Variants in UBTD1 observed in about 807,000 individuals in gnomAD.
UBTD1 encodes the protein ubiquitin domain containing 1.
UBTD1 carries 19 observed loss-of-function variants against 21.7 expected under a neutral mutation model. The ratio of observed to expected loss-of-function variants is 0.87; its 90% CI spans 0.61 to 1.28. The LOEUF is 1.28. Ranked by LOEUF, UBTD1 falls within the 50% of genes most tolerant of loss-of-function variation. UBTD1 has a pLI of 0.00. For missense variants in UBTD1, 282 were observed against 315.1 expected (o/e 0.89, Z 0.80); for synonymous variants, 116 against 135.1 (o/e 0.86, Z 0.98).
At chr10:97,505,347 T>C (rs1169266020) in intron 1 of UBTD1, among the ~76,000 whole-genome samples, 1 of 152,102 alleles carries the variant, frequency 6.6e-6, no homozygotes, top group Non-Finnish European at 1.5e-5. Context: ...AAGTTGTGAG[T>C]GTGTGGAGGT....
intron 1 of UBTD1, among the ~76,000 whole-genome samples, chr10:97,556,518 G>A (rs765529573): frequency 9.9e-5 from 15 of 152,180 alleles, no homozygotes; most frequent in Non-Finnish European, 1.9e-4. Context: ...GCATGTAGAT[G>A]GGGGTTCAAT....
chr10:97,504,153 G>A (rs753359134), intron 1 of UBTD1, among the ~76,000 whole-genome samples: 2 of 151,880 alleles, frequency 1.3e-5, no homozygotes, highest in South Asian at 4.2e-4. Context: ...AATATGTCCC[G>A]AACCTGACTC....
rs745943092 is a variant in UBTD1 at position 97,570,550 on chromosome 10, C to T, written c.*27C>T. 2.6e-6 allele frequency: 4 copies of T among 1,565,188 alleles called. No individual in the cohort carries two copies. The South Asian group carries it at 4.7e-5, about 18-fold the overall frequency. ...GGGCCCACGGACCCCTGGGAAGAGG[C>T]CCCGCCTGGAGCACTAGGCCCCCAC... On this transcript the variant is annotated 3_prime_UTR_variant, in exon 3 of 3. Coordinates refer to ENST00000370664, the MANE Select transcript of UBTD1 (RefSeq NM_024954.5). The surrounding 1 kb of genome is among the most constrained non-coding windows in gnomAD (Gnocchi z 6.6).
chr10:97,502,030 TG>T (rs1474016976), intron 1 of UBTD1, among the ~76,000 whole-genome samples: 4 of 152,226 alleles, frequency 2.6e-5, no homozygotes, highest in Non-Finnish European at 5.9e-5. Context: ...CTTGAAGACC[TG>T]GGTTCTGTCT....
intron 1 of UBTD1, among the ~76,000 whole-genome samples, chr10:97,535,893 G>A (rs1311396825): frequency 5.3e-5 from 8 of 151,436 alleles, no homozygotes; most frequent in Non-Finnish European, 8.8e-5. Context: ...ACTCTAATCT[G>A]GGTGACACAG....
intron 1 of UBTD1, among the ~76,000 whole-genome samples, chr10:97,510,962 CCT>C (rs2040421168): frequency 6.6e-6 from 1 of 152,082 alleles, no homozygotes; most frequent in African/African-American, 2.4e-5. Context: ...CTGTGAGTGC[CCT>C]CTGTTTGTGG....
chr10:97,508,015 A>G (rs1340471718), intron 1 of UBTD1, among the ~76,000 whole-genome samples: 1 of 152,224 alleles, frequency 6.6e-6, no homozygotes, highest in African/African-American at 2.4e-5. Context: ...TTGTTTTTAA[A>G]GGCTCAGAGA....
intron 1 of UBTD1, among the ~76,000 whole-genome samples, chr10:97,513,144 G>T (rs889024161): frequency 6.6e-6 from 1 of 152,228 alleles, no homozygotes; most frequent in Non-Finnish European, 1.5e-5. Flanking sequence ...CAGGGGTGGT[G>T]CTGGTATCCG....
In UBTD1 at chr10:97,552,004, T is replaced by C. The variant is rs567178503; in HGVS notation, c.71-15910T>C. Among the ~76,000 whole-genome samples the C allele has an allele frequency of 5.3e-5, 8 of 152,174 alleles. No individual in the cohort carries two copies. In the South Asian group the frequency reaches 1.7e-3, roughly 32 times the overall value. ...GCTCATCACTGCAGCCTTGACCTTC[T>C]GGGCTCAAGTTATCCTCCCGCCTCA... On this transcript the variant is annotated intron_variant, in intron 1 of 2. Transcript: ENST00000370664.
chr10:97,554,313 T>A lies in UBTD1; in HGVS notation c.71-13601T>A, dbSNP rs531619708. On this transcript the variant is annotated intron_variant, in intron 1 of 2. Coordinates refer to ENST00000370664, the MANE Select transcript of UBTD1 (RefSeq NM_024954.5). ...CCCAGGCTGGAGTACAGTGACATGA[T>A]CTCAGCTCACTGCTACCTCCGTCTC... Among the ~76,000 whole-genome samples, 3 of 148,924 alleles carry A rather than the reference T, an allele frequency of 2.0e-5. No homozygotes were observed. The South Asian group carries it at 6.7e-4, about 33-fold the overall frequency.
intron 1 of UBTD1, among the ~76,000 whole-genome samples, chr10:97,500,176 A>G (rs2040353358): frequency 6.6e-6 from 1 of 152,246 alleles, no homozygotes; most frequent in Non-Finnish European, 1.5e-5. Context: ...CCAAAGTCAC[A>G]CAGCTAGTTA....
At chr10:97,561,194 CTCT>C (rs2040691057) in intron 1 of UBTD1, among the ~76,000 whole-genome samples, 1 of 152,128 alleles carries the variant, frequency 6.6e-6, no homozygotes. Context: ...CCCGGGAGCG[CTCT>C]TTGGATTGCA....
At chr10:97,555,564 C>T (rs576492556) in intron 1 of UBTD1, among the ~76,000 whole-genome samples, 116 of 152,270 alleles carry the variant, frequency 7.6e-4, no homozygotes, top group African/African-American at 2.7e-3. Flanking sequence ...CCTTAAAATC[C>T]GAGCTCCCCA....
At chr10:97,553,753 C>T (rs541292867) in intron 1 of UBTD1, among the ~76,000 whole-genome samples, 11 of 152,202 alleles carry the variant, frequency 7.2e-5, no homozygotes, top group Non-Finnish European at 1.5e-4. Context: ...GCTCAGCTTA[C>T]ATTAACCCTG....
chr10:97,545,438 GT>G (rs1313705513), intron 1 of UBTD1, among the ~76,000 whole-genome samples: 4 of 150,514 alleles, frequency 2.7e-5, no homozygotes, highest in Non-Finnish European at 6.0e-5. Context: ...GTGGGTGTGT[GT>G]GTGTGTGTGT....
At chr10:97,501,572 G>C (rs2040376601) in intron 1 of UBTD1, among the ~76,000 whole-genome samples, 1 of 152,068 alleles carries the variant, frequency 6.6e-6, no homozygotes, top group Non-Finnish European at 1.5e-5. Flanking sequence ...CAGCCTGGGT[G>C]ACAGAGCGAG....
At chr10:97,533,489 G>A (rs560465952) in intron 1 of UBTD1, among the ~76,000 whole-genome samples, 10 of 152,314 alleles carry the variant, frequency 6.6e-5, no homozygotes, top group East Asian at 3.9e-4. Flanking sequence ...AGAAGGGTAC[G>A]AGGAGGCTGC....
At chr10:97,537,028 G>T (rs1182236970) in intron 1 of UBTD1, among the ~76,000 whole-genome samples, 1 of 152,090 alleles carries the variant, frequency 6.6e-6, no homozygotes, top group African/African-American at 2.4e-5. Context: ...ACAACAAGGG[G>T]TGTGGTGGGG....
At chr10:97,543,270 A>ATCC (rs1159181402) in intron 1 of UBTD1, among the ~76,000 whole-genome samples, 1 of 152,188 alleles carries the variant, frequency 6.6e-6, no homozygotes, top group African/African-American at 2.4e-5. Context: ...ACCAGGGAGG[A>ATCC]TGCTGGTCTG....
Sources: allele counts gnomAD v4.1 joint callset (sites outside exome capture counted in the v4.1 genomes callset), GRCh38; gene constraint gnomAD v4.1.1; non-coding constraint Gnocchi (gnomAD v3.1); transcripts MANE v1.5; gene names NCBI Gene and HGNC (gene_info 2026-07-23, HGNC 2026-07-21).